TMEM116: variants seen among roughly 807,000 people sequenced by gnomAD.
TMEM116 encodes transmembrane protein 116.
A neutral mutation model predicts 44.3 loss-of-function variants in TMEM116; 38 were observed. The ratio of observed to expected loss-of-function variants is 0.86; its 90% CI spans 0.66 to 1.12. The LOEUF is 1.12. Ranked by LOEUF, TMEM116 falls within the 50% of genes most tolerant of loss-of-function variation. TMEM116 has a pLI of 0.00. For synonymous variants in TMEM116, 132 were observed against 144.8 expected, an observed-to-expected ratio of 0.91 and a Z score of 0.64; for missense variants, 354 against 401.7, an observed-to-expected ratio of 0.88 and a Z score of 1.01.
intron 1 of TMEM116, chr12:112,005,655 A>T (rs1464548952): frequency 9.2e-6 from 9 of 976,784 alleles, no homozygotes; most frequent in Non-Finnish European, 1.1e-5. Context: ...TGAGGCCAGG[A>T]GTTTAAGAAA....
At chr12:111,963,434 C>A (rs547471543) in intron 4 of TMEM116, among the ~76,000 whole-genome samples, 1 of 152,262 alleles carries the variant, frequency 6.6e-6, no homozygotes, top group East Asian at 1.9e-4. Context: ...AAATGCCCGT[C>A]AATGATAGAC....
chr12:111,970,707 C>T (rs952452135), intron 4 of TMEM116, among the ~76,000 whole-genome samples: 1 of 152,042 alleles, frequency 6.6e-6, no homozygotes, highest in Non-Finnish European at 1.5e-5. Context: ...CTGCCTCAGC[C>T]TCCTGAGTAG....
At chr12:112,010,535 G>C (rs1303357298) in intron 1 of TMEM116, 1 of 152,262 alleles carries the variant, frequency 6.6e-6, no homozygotes, top group East Asian at 1.9e-4. Context: ...TCTCAGTAGA[G>C]AGGAGGCCCT....
intron 1 of TMEM116, among the ~76,000 whole-genome samples, chr12:112,008,682 A>C (rs969389816): frequency 2.0e-5 from 3 of 152,056 alleles, no homozygotes; most frequent in Non-Finnish European, 2.9e-5. Context: ...ACATTTAAAG[A>C]TTTCTAAGGC....
At chr12:111,988,891 C>G in intron 4 of TMEM116, among the ~76,000 whole-genome samples, 1 of 151,854 alleles carries the variant, frequency 6.6e-6, no homozygotes, top group Non-Finnish European at 1.5e-5. Flanking sequence ...ACTCGGGAGG[C>G]TGAGGCAGGA....
At chr12:111,964,653 C>T (rs1309789269) in intron 4 of TMEM116, among the ~76,000 whole-genome samples, 2 of 152,050 alleles carry the variant, frequency 1.3e-5, no homozygotes, top group Non-Finnish European at 2.9e-5. Flanking sequence ...AACCGTATTC[C>T]AAAGTGTGGC....
In TMEM116 at chr12:111,991,713, G is replaced by A. The variant is rs937366873; in HGVS notation, c.210+45C>T. On this transcript the variant is annotated intron_variant, in intron 4 of 10. Coordinates refer to ENST00000552374, the MANE Select transcript of TMEM116 (RefSeq NM_001193531.2). Reference sequence around the variant, plus strand: ...CATCTTTGTTTCTATCTAGATCTGAGTGTGCCTTTCTTGCAAGGTGCAGTG... The same window carrying A: ...CATCTTTGTTTCTATCTAGATCTGAATGTGCCTTTCTTGCAAGGTGCAGTG... 6.6e-6 allele frequency: 10 copies of A among 1,520,310 alleles called. No homozygotes were observed. The African/African-American group carries it at 9.6e-5, about 15-fold the overall frequency. The allele number at this position is 1,520,310 out of a possible 1,614,324, so 94.2% of individuals were successfully genotyped here.
intron 9 of TMEM116, among the ~76,000 whole-genome samples, chr12:111,933,489 C>CTTTT (rs202131081): frequency 4.5e-5 from 6 of 134,808 alleles, no homozygotes. Flanking sequence ...AGCCATCCTT[C>CTTTT]TTTTTTTTTT....
intron 4 of TMEM116, among the ~76,000 whole-genome samples, chr12:111,958,100 C>T (rs1190340937): frequency 2.0e-5 from 3 of 151,760 alleles, no homozygotes; most frequent in African/African-American, 7.3e-5. Context: ...GTCATCACCA[C>T]TCCCTAATCT....
chr12:111,932,682 C>G, intron 9 of TMEM116, 23 bp from the exon 10 acceptor site: 1 of 1,604,382 alleles, frequency 6.2e-7, no homozygotes, highest in Non-Finnish European at 8.5e-7. Flanking sequence ...AAAGTGTAAA[C>G]CTTCTTGTCA....
intron 4 of TMEM116, among the ~76,000 whole-genome samples, chr12:111,965,184 C>G (rs2074901023): frequency 6.6e-6 from 1 of 152,066 alleles, no homozygotes; most frequent in South Asian, 2.1e-4. Flanking sequence ...CTCCTCCTAC[C>G]CCCATTTTTT....
At chr12:111,999,164 C>A (rs1414411140) in intron 3 of TMEM116, among the ~76,000 whole-genome samples, 1 of 151,870 alleles carries the variant, frequency 6.6e-6, no homozygotes, top group East Asian at 1.9e-4. Flanking sequence ...AAGATATGAT[C>A]CTAAACATGA....
intron 4 of TMEM116, among the ~76,000 whole-genome samples, chr12:111,944,152 G>C (rs1300442024): frequency 2.0e-5 from 3 of 151,906 alleles, no homozygotes; most frequent in Admixed American, 6.6e-5. Context: ...GAACTAGTAG[G>C]ATAAAATCTA....
chr12:111,978,128 G>A (rs1009505587), intron 4 of TMEM116, among the ~76,000 whole-genome samples: 7 of 149,068 alleles, frequency 4.7e-5, no homozygotes, highest in South Asian at 2.1e-4. Flanking sequence ...CCCAGCTAGC[G>A]CGGTGGCTCA....
At chr12:111,931,912 G>T in intron 10 of TMEM116, 85 bp from the exon 11 acceptor site, 1 of 946,864 alleles carries the variant, frequency 1.1e-6, no homozygotes, top group Non-Finnish European at 1.6e-6. Flanking sequence ...TATTCATAAA[G>T]CATTGTTATA....
At chr12:111,965,188 A>AT (rs752214110) in intron 4 of TMEM116, among the ~76,000 whole-genome samples, 3 of 150,602 alleles carry the variant, frequency 2.0e-5, no homozygotes, top group Admixed American at 6.6e-5. Flanking sequence ...TCCTACCCCC[A>AT]TTTTTTTTTC....
Position 111,932,645 on chromosome 12 carries a change from T to C in TMEM116, c.748A>G (p.Ile250Val). 6.2e-7 allele frequency: 1 copy of C among 1,614,124 alleles called. No homozygotes were observed. The highest frequency in any genetic ancestry group is 1.1e-5 in the South Asian group (1 of 91,076). The change falls in exon 10 of 11, where the codon ATC (isoleucine) becomes GTC (valine). Residue 250 changes from isoleucine to valine, a missense_variant. Ile to Val is a conservative substitution (Grantham distance 29, BLOSUM62 3). Coordinates refer to ENST00000552374, the MANE Select transcript of TMEM116 (RefSeq NM_001193531.2). ...TCCTGTGGCTTAGTCAGCTTTATGA[T>C]CATTAGAATGACAGCTGTGAATACA... is the stretch of plus-strand genomic sequence containing the variant. ...CCWGPAVILMIIKLTKPQDTK... is the reference protein window; with the variant it reads ...CCWGPAVILMVIKLTKPQDTK...
chr12:111,940,533 A>ATATATACACACACATATATATGTGTGTG, intron 5 of TMEM116, among the ~76,000 whole-genome samples: 2 of 117,246 alleles, frequency 1.7e-5, no homozygotes, highest in East Asian at 1.5e-3. Flanking sequence ...GTATATATAT[A>ATATATACACACACATATATATGTGTGTG]TATATATATA....
intron 4 of TMEM116, among the ~76,000 whole-genome samples, chr12:111,955,836 C>T (rs550472575): frequency 6.6e-6 from 1 of 152,182 alleles, no homozygotes; most frequent in African/African-American, 2.4e-5. Flanking sequence ...GTATTCAATA[C>T]AGTAACATGT....
Sources: gnomAD v4.1 joint callset for allele counts (sites outside exome capture counted in the v4.1 genomes callset) on GRCh38, gnomAD v4.1.1 for gene constraint, MANE v1.5 for transcripts, NCBI Gene and HGNC (gene_info 2026-07-23, HGNC 2026-07-21) for gene names.